TANK: variants seen among roughly 807,000 people sequenced by gnomAD.
TANK encodes TRAF family member-associated NF-kappa-B activator.
TANK carries 15 observed loss-of-function variants against 43.6 expected under a neutral mutation model. The ratio of observed to expected loss-of-function variants is 0.34; its 90% CI spans 0.23 to 0.53. The LOEUF is 0.53. TANK is among the 20% of genes least tolerant of loss of function. The pLI is 0.94. For synonymous variants in TANK, 162 were observed against 178.2 expected (o/e 0.91, Z 0.73); for missense variants, 417 against 498.6 (o/e 0.84, Z 1.56).
intron 5 of TANK, 30 bp downstream of exon 5, chr2:161,224,021 T>A (rs907698332): frequency 6.5e-6 from 9 of 1,386,480 alleles, no homozygotes; most frequent in Non-Finnish European, 9.0e-6. Flanking sequence ...TCTCAACTCT[T>A]AAAAATTATC....
chr2:161,205,910 TCTACAGGCGCATG>T (rs1392065471), intron 4 of TANK, among the ~76,000 whole-genome samples: 1 of 152,192 alleles, frequency 6.6e-6, no homozygotes, highest in Non-Finnish European at 1.5e-5. Context: ...TTCAAGCAAT[TCTACAGGCGCATG>T]CTGCCATGCG....
chr2:161,192,622 A>G (rs1164344604), intron 2 of TANK, among the ~76,000 whole-genome samples: 2 of 152,212 alleles, frequency 1.3e-5, no homozygotes, highest in African/African-American at 4.8e-5. Context: ...CTAAAATACC[A>G]GACAATTTCA....
intron 6 of TANK, among the ~76,000 whole-genome samples, chr2:161,229,208 CAA>C (rs1412162970): frequency 1.3e-5 from 2 of 152,136 alleles, no homozygotes; most frequent in African/African-American, 2.4e-5. Context: ...GGTGCAAAGA[CAA>C]GAGAGTGTAG....
chr2:161,206,156 G>T (rs1574035853), intron 4 of TANK, among the ~76,000 whole-genome samples: 1 of 152,058 alleles, frequency 6.6e-6, no homozygotes, highest in East Asian at 1.9e-4. Context: ...TAATAGAAGA[G>T]AGCCAAGCAA....
At chr2:161,145,967 C>T (rs1029814889) in intron 1 of TANK, among the ~76,000 whole-genome samples, 10 of 152,118 alleles carry the variant, frequency 6.6e-5, no homozygotes, top group Non-Finnish European at 1.0e-4. Flanking sequence ...TCCAATCAAT[C>T]GTAGGTTAGG....
intron 2 of TANK, among the ~76,000 whole-genome samples, chr2:161,190,171 T>G (rs1485468557): frequency 6.6e-6 from 1 of 152,122 alleles, no homozygotes; most frequent in Non-Finnish European, 1.5e-5. Flanking sequence ...GCTTTAGAGA[T>G]TTCTCCAAGA....
chr2:161,139,040 T>C (rs1683668617), intron 1 of TANK, among the ~76,000 whole-genome samples: 1 of 152,246 alleles, frequency 6.6e-6, no homozygotes, highest in African/African-American at 2.4e-5. Flanking sequence ...TAATTATTGC[T>C]GGCTTCTTAA....
At chr2:161,174,358 C>T (rs1277753170) in intron 1 of TANK, among the ~76,000 whole-genome samples, 1 of 152,052 alleles carries the variant, frequency 6.6e-6, no homozygotes, top group Non-Finnish European at 1.5e-5. Context: ...TTTTTCATAT[C>T]ACATATTTTT....
At chr2:161,219,963 C>A in intron 4 of TANK, 1 of 231,776 alleles carries the variant, frequency 4.3e-6, no homozygotes, top group Non-Finnish European at 8.7e-6. Flanking sequence ...TCTACCAATC[C>A]ATCCCATCCC....
intron 1 of TANK, among the ~76,000 whole-genome samples, chr2:161,173,655 A>G (rs1685053003): frequency 6.6e-6 from 1 of 151,842 alleles, no homozygotes; most frequent in African/African-American, 2.4e-5. Flanking sequence ...TTAAACATTT[A>G]TAATTGACCT....
At chr2:161,195,623 A>T (rs951091107) in intron 2 of TANK, among the ~76,000 whole-genome samples, 4 of 152,100 alleles carry the variant, frequency 2.6e-5, no homozygotes, top group Non-Finnish European at 4.4e-5. Context: ...GAGCCATTTA[A>T]GGTTTTTTGG....
intron 1 of TANK, among the ~76,000 whole-genome samples, chr2:161,154,324 A>C (rs1371575187): frequency 6.6e-6 from 1 of 152,214 alleles, no homozygotes; most frequent in Admixed American, 6.5e-5. Flanking sequence ...TATTAAAAGA[A>C]GCCCAAAATC....
chr2:161,196,898 T>C (rs1405086736), intron 2 of TANK, among the ~76,000 whole-genome samples: 3 of 152,150 alleles, frequency 2.0e-5, no homozygotes, highest in Non-Finnish European at 4.4e-5. Context: ...AAGGATTAAA[T>C]GAGATAAAGA....
At chr2:161,145,273 T>C (rs1683877726) in intron 1 of TANK, among the ~76,000 whole-genome samples, 1 of 151,624 alleles carries the variant, frequency 6.6e-6, no homozygotes, top group Non-Finnish European at 1.5e-5. Context: ...CTTGACTCTT[T>C]ATCCAATTTG....
intron 2 of TANK, among the ~76,000 whole-genome samples, chr2:161,194,454 A>T (rs561127785): frequency 6.6e-6 from 1 of 152,058 alleles, no homozygotes; most frequent in East Asian, 1.9e-4. Flanking sequence ...AAAGTGAAGG[A>T]TACATAATAT....
intron 2 of TANK, among the ~76,000 whole-genome samples, chr2:161,188,520 G>T (rs559236581): frequency 2.0e-5 from 3 of 152,250 alleles, no homozygotes; most frequent in African/African-American, 7.2e-5. Context: ...TAAGGAGATT[G>T]AATCAGTAAT....
intron 7 of TANK, among the ~76,000 whole-genome samples, chr2:161,232,099 A>G (rs1204632491): frequency 6.6e-6 from 1 of 152,198 alleles, no homozygotes; most frequent in African/African-American, 2.4e-5. Flanking sequence ...GGAAATGAAC[A>G]TGTAGCCTAG....
intron 1 of TANK, among the ~76,000 whole-genome samples, chr2:161,141,559 A>G (rs2194501): frequency 1 from 152,212 of 152,230 alleles, 76,097 homozygotes; most frequent in Middle Eastern, 1. Flanking sequence ...TTCAACTCAC[A>G]CTTATGAGTT....
At chr2:161,147,156 C>T (rs904047206) in intron 1 of TANK, among the ~76,000 whole-genome samples, 1 of 152,094 alleles carries the variant, frequency 6.6e-6, no homozygotes, top group Non-Finnish European at 1.5e-5. Context: ...CTGCTTGGGA[C>T]CAAGCCATCC....
Sources: allele counts gnomAD v4.1 joint callset (sites outside exome capture counted in the v4.1 genomes callset), GRCh38; gene constraint gnomAD v4.1.1; transcripts MANE v1.5; gene names NCBI Gene and HGNC (gene_info 2026-07-23, HGNC 2026-07-21).